The following ARHGEF3 variants were observed in gnomAD, a reference collection of about 807,000 sequenced individuals.
ARHGEF3 encodes the protein 59.8 kDA protein.
A neutral mutation model predicts 63.2 loss-of-function variants in ARHGEF3; 28 were observed. The observed-to-expected ratio is 0.44, with a 90% CI of 0.33 to 0.61. The LOEUF is 0.61. Ranked by LOEUF, ARHGEF3 falls within the 20% of genes least tolerant of loss-of-function variation. ARHGEF3 has a pLI of 0.03. For missense variants in ARHGEF3, 533 were observed against 659.3 expected (o/e 0.81, Z 2.10); for synonymous variants, 266 against 254.2 (o/e 1.05, Z -0.44).
chr3:56,887,232 A>T (rs1208109776), intron 3 of ARHGEF3, among the ~76,000 whole-genome samples: 1 of 152,242 alleles, frequency 6.6e-6, no homozygotes, highest in Non-Finnish European at 1.5e-5. Flanking sequence ...TGCACAGCAT[A>T]GCAAGCCAGA....
chr3:57,075,973 G>A (rs1032718211), intron 1 of ARHGEF3, among the ~76,000 whole-genome samples: 2 of 152,146 alleles, frequency 1.3e-5, no homozygotes, highest in South Asian at 2.1e-4. Flanking sequence ...TGACTCAATA[G>A]ATTAGAATTA....
chr3:56,812,272 A>G (rs557352276), intron 4 of ARHGEF3, among the ~76,000 whole-genome samples: 1 of 152,352 alleles, frequency 6.6e-6, no homozygotes, highest in South Asian at 2.1e-4. Context: ...AGGTAATTCA[A>G]ATAGGCCCCT....
At chr3:56,871,052 T>C (rs1439379145) in intron 4 of ARHGEF3, among the ~76,000 whole-genome samples, 1 of 152,172 alleles carries the variant, frequency 6.6e-6, no homozygotes, top group African/African-American at 2.4e-5. Context: ...TATCTAAATA[T>C]CTGGAAGGAG....
intron 4 of ARHGEF3, among the ~76,000 whole-genome samples, chr3:56,809,873 C>T (rs1399407236): frequency 6.6e-5 from 10 of 152,114 alleles, no homozygotes; most frequent in Middle Eastern, 3.4e-3. Context: ...GCTGGGATTA[C>T]AGATGTGCAC....
At chr3:56,755,715 A>C (rs2171855) in intron 2 of ARHGEF3, among the ~76,000 whole-genome samples, 11,348 of 152,066 alleles carry the variant, frequency 0.075, 469 homozygotes, top group East Asian at 0.11. Context: ...TTACGGGAGA[A>C]AGGAGGAAAG....
chr3:56,867,981 T>C (rs1379727740), intron 4 of ARHGEF3, among the ~76,000 whole-genome samples: 1 of 152,176 alleles, frequency 6.6e-6, no homozygotes, highest in Non-Finnish European at 1.5e-5. Flanking sequence ...TGCTTGGATA[T>C]GAATCAAACT....
At chr3:56,952,484 C>G (rs1699857642) in intron 3 of ARHGEF3, among the ~76,000 whole-genome samples, 1 of 152,198 alleles carries the variant, frequency 6.6e-6, no homozygotes, top group African/African-American at 2.4e-5. Context: ...ATCCACAGAA[C>G]TCCAAGCTAG....
intron 4 of ARHGEF3, among the ~76,000 whole-genome samples, chr3:56,876,887 A>AG (rs1267848244): frequency 1.2e-4 from 19 of 152,200 alleles, no homozygotes; most frequent in South Asian, 8.3e-4. Flanking sequence ...GGATGGGTGG[A>AG]GGGGGGAAGT....
intron 1 of ARHGEF3, among the ~76,000 whole-genome samples, chr3:57,043,346 A>G (rs1012427119): frequency 6.6e-6 from 1 of 151,824 alleles, no homozygotes; most frequent in Non-Finnish European, 1.5e-5. Flanking sequence ...CGAACTCCTG[A>G]CCTCGTGATC....
intron 1 of ARHGEF3, among the ~76,000 whole-genome samples, chr3:57,064,323 CT>C (rs148897316): frequency 1.3e-5 from 2 of 149,850 alleles, no homozygotes; most frequent in East Asian, 1.9e-4. Context: ...TTTTTTCTTT[CT>C]TTTTTTTTCT....
chr3:56,992,568 A>G (rs984097427), intron 2 of ARHGEF3, among the ~76,000 whole-genome samples: 2 of 152,084 alleles, frequency 1.3e-5, no homozygotes, highest in Non-Finnish European at 2.9e-5. Flanking sequence ...TTCCTGGATC[A>G]TGCCATCCTT....
chr3:56,786,402 C>T (rs985732466), intron 1 of ARHGEF3, among the ~76,000 whole-genome samples: 6 of 152,166 alleles, frequency 3.9e-5, no homozygotes, highest in African/African-American at 1.4e-4. Flanking sequence ...CTGTTGCCCC[C>T]ACACCCCCCA....
chr3:57,021,583 T>TGG (rs1179777846), intron 2 of ARHGEF3, among the ~76,000 whole-genome samples: 1 of 151,878 alleles, frequency 6.6e-6, no homozygotes, highest in African/African-American at 2.4e-5. Flanking sequence ...TGAAACCCCA[T>TGG]CTCTACTAAA....
At chr3:56,764,502 G>A (rs1406984924) in intron 2 of ARHGEF3, among the ~76,000 whole-genome samples, 4 of 152,114 alleles carry the variant, frequency 2.6e-5, no homozygotes, top group African/African-American at 7.2e-5. Flanking sequence ...CCTACGGCAG[G>A]AGAGGCACTC....
chr3:56,765,647 C>G (rs930953210), intron 2 of ARHGEF3, among the ~76,000 whole-genome samples: 1 of 152,188 alleles, frequency 6.6e-6, no homozygotes, highest in Middle Eastern at 3.4e-3. Context: ...AAGCCTGAAA[C>G]GCTTCCTCCC....
intron 2 of ARHGEF3, among the ~76,000 whole-genome samples, chr3:57,011,645 G>A (rs1157714104): frequency 6.6e-6 from 1 of 152,124 alleles, no homozygotes; most frequent in Non-Finnish European, 1.5e-5. Context: ...ATCTAAACCA[G>A]AGCAAAGGCA....
At chr3:56,732,820 T>A (rs1311000578) in intron 8 of ARHGEF3, among the ~76,000 whole-genome samples, 1 of 152,166 alleles carries the variant, frequency 6.6e-6, no homozygotes, top group African/African-American at 2.4e-5. Context: ...AAGTTAGCAC[T>A]CTCTTGACTT....
At chr3:56,993,830 G>T (rs1701860370) in intron 2 of ARHGEF3, among the ~76,000 whole-genome samples, 1 of 151,138 alleles carries the variant, frequency 6.6e-6, no homozygotes. Flanking sequence ...CACTTTGGGA[G>T]GCCAAGGTAG....
intron 2 of ARHGEF3, among the ~76,000 whole-genome samples, chr3:57,008,487 T>G (rs1702556297): frequency 6.6e-6 from 1 of 151,978 alleles, no homozygotes; most frequent in African/African-American, 2.4e-5. Flanking sequence ...CAAGCCTTTT[T>G]TTTTTTTGAG....
Sources: allele counts gnomAD v4.1 joint callset (sites outside exome capture counted in the v4.1 genomes callset), GRCh38; gene constraint gnomAD v4.1.1; transcripts MANE v1.5; gene names NCBI Gene and HGNC (gene_info 2026-07-23, HGNC 2026-07-21).